RORA: variants seen among roughly 807,000 people sequenced by gnomAD.
RORA encodes RAR related orphan receptor A, also known as nuclear receptor ROR-alpha.
Under a neutral mutation model 69.5 loss-of-function variants are expected in RORA, and 7 were observed. The ratio of observed to expected loss-of-function variants is 0.10; its 90% CI spans 0.06 to 0.19. The LOEUF is 0.19. Ranked by LOEUF, RORA falls within the 10% of genes least tolerant of loss-of-function variation. RORA has a pLI of 1.00. For missense variants in RORA, 457 were observed against 663.0 expected (o/e 0.69, Z 3.41); for synonymous variants, 261 against 240.8 (o/e 1.08, Z -0.78).
At chr15:60,502,511 G>A (rs756328072) in intron 8 of RORA, among the ~76,000 whole-genome samples, 1 of 151,928 alleles carries the variant, frequency 6.6e-6, no homozygotes, top group African/African-American at 2.4e-5. Context: ...GGAAGGACAC[G>A]TCATATAAAT....
intron 2 of RORA, among the ~76,000 whole-genome samples, chr15:60,659,773 T>TA (rs904278929): frequency 2.6e-5 from 4 of 152,162 alleles, no homozygotes. Context: ...TTTGAGTTCA[T>TA]AAAAAAATTG....
intron 1 of RORA, among the ~76,000 whole-genome samples, chr15:60,961,133 C>T (rs1893403278): frequency 6.6e-6 from 1 of 152,176 alleles, no homozygotes; most frequent in Admixed American, 6.5e-5. Flanking sequence ...TCTGGCCTCT[C>T]ACCTGGCCGT....
intron 1 of RORA, among the ~76,000 whole-genome samples, chr15:61,073,142 C>T (rs75979820): frequency 0.012 from 1,852 of 152,296 alleles, 15 homozygotes; most frequent in Non-Finnish European, 0.019. Flanking sequence ...GTACAACTGG[C>T]CAAGGGCCGG....
At chr15:60,723,680 A>C (rs1430551617) in intron 1 of RORA, among the ~76,000 whole-genome samples, 3 of 152,204 alleles carry the variant, frequency 2.0e-5, no homozygotes, top group Admixed American at 1.3e-4. Context: ...AGGAGTACAC[A>C]CAACTCCATC....
intron 1 of RORA, among the ~76,000 whole-genome samples, chr15:60,692,385 A>G (rs1225743318): frequency 6.6e-6 from 1 of 152,192 alleles, no homozygotes; most frequent in African/African-American, 2.4e-5. Flanking sequence ...TTTGGACCAC[A>G]TGGCAGGTCT....
chr15:60,604,407 CTTGT>C (rs1567119063), intron 2 of RORA, among the ~76,000 whole-genome samples: 2 of 152,188 alleles, frequency 1.3e-5, no homozygotes, highest in Non-Finnish European at 2.9e-5. Flanking sequence ...ATGGACTGAC[CTTGT>C]TTATCTGCTT....
chr15:60,817,513 T>C (rs1420980614), intron 1 of RORA, among the ~76,000 whole-genome samples: 2 of 152,242 alleles, frequency 1.3e-5, no homozygotes, highest in Non-Finnish European at 2.9e-5. Context: ...CTATTAACTA[T>C]AGTCCCCAGG....
At chr15:61,036,578 T>C (rs1250123117) in intron 1 of RORA, among the ~76,000 whole-genome samples, 1 of 152,118 alleles carries the variant, frequency 6.6e-6, no homozygotes, top group African/African-American at 2.4e-5. Flanking sequence ...TTAATAAACA[T>C]CTTTGATGAG....
chr15:60,718,053 C>G (rs2071243250), intron 1 of RORA, among the ~76,000 whole-genome samples: 1 of 152,106 alleles, frequency 6.6e-6, no homozygotes, highest in African/African-American at 2.4e-5. Context: ...CCCACCTTGG[C>G]CTCGCACTGG....
intron 1 of RORA, among the ~76,000 whole-genome samples, chr15:60,903,279 T>C (rs1412415862): frequency 6.6e-6 from 1 of 152,246 alleles, no homozygotes; most frequent in Admixed American, 6.5e-5. Flanking sequence ...AACTGGGCTC[T>C]AGACTCTTCT....
Position 60,517,429 on chromosome 15 carries a change from A to G in RORA, c.283-2672T>C, listed in dbSNP as rs567159102. ...CAAGTCCCGCCTCTTCTGTAAAGCA[A>G]TCTCTCTCTTCTGAAAAATATCTAA... On this transcript the variant is annotated intron_variant, in intron 3 of 10. Coordinates refer to ENST00000335670, the MANE Select transcript of RORA (RefSeq NM_134261.3). Among the ~76,000 whole-genome samples, 10 of 149,368 alleles carry G rather than the reference A, an allele frequency of 6.7e-5. No homozygotes were observed. The East Asian group carries it at 7.7e-4, about 12-fold the overall frequency.
At chr15:61,130,496 G>A (rs1351272056) in intron 1 of RORA, among the ~76,000 whole-genome samples, 1 of 152,226 alleles carries the variant, frequency 6.6e-6, no homozygotes, top group African/African-American at 2.4e-5. Flanking sequence ...AGTGTGAGAT[G>A]TTTTGGCAGG....
intron 1 of RORA, among the ~76,000 whole-genome samples, chr15:60,967,265 T>C (rs557340091): frequency 2.4e-4 from 37 of 152,390 alleles, no homozygotes; most frequent in Middle Eastern, 3.4e-3. Flanking sequence ...AGATGTACCA[T>C]ATTTATATGC....
At chr15:61,215,606 CATAT>C (rs1309473974) in intron 1 of RORA, among the ~76,000 whole-genome samples, 6 of 152,264 alleles carry the variant, frequency 3.9e-5, no homozygotes, top group Admixed American at 6.5e-5. Context: ...ATGCCAAAGT[CATAT>C]ATCTTCTTGA....
intron 1 of RORA, among the ~76,000 whole-genome samples, chr15:61,081,030 A>G (rs995799960): frequency 7.2e-5 from 11 of 152,242 alleles, no homozygotes; most frequent in African/African-American, 2.7e-4. Flanking sequence ...AGAAAGCAAT[A>G]AAGTGAAGTC....
chr15:61,188,842 C>A (rs150165345), intron 1 of RORA, among the ~76,000 whole-genome samples: 2 of 152,184 alleles, frequency 1.3e-5, no homozygotes, highest in South Asian at 4.2e-4. Context: ...GCTCAACACA[C>A]TTTTAATGAA....
At chr15:61,102,729 C>A (rs375846105) in intron 1 of RORA, among the ~76,000 whole-genome samples, 6 of 152,216 alleles carry the variant, frequency 3.9e-5, no homozygotes, top group East Asian at 1.9e-4. Flanking sequence ...GCCTCCTACA[C>A]TGAAGCATGC....
intron 3 of RORA, chr15:60,530,009 C>T (rs1201773669): frequency 6.6e-6 from 1 of 152,256 alleles, no homozygotes; most frequent in African/African-American, 2.4e-5. Flanking sequence ...AGAAGACACC[C>T]AGGTGATACG....
intron 2 of RORA, among the ~76,000 whole-genome samples, chr15:60,661,335 G>C (rs186546620): frequency 6.6e-6 from 1 of 152,262 alleles, no homozygotes; most frequent in East Asian, 1.9e-4. Context: ...GGGATTCCTG[G>C]CCCAAGAGTG....
Sources: gnomAD v4.1 joint callset for allele counts (sites outside exome capture counted in the v4.1 genomes callset) on GRCh38, gnomAD v4.1.1 for gene constraint, MANE v1.5 for transcripts, NCBI Gene and HGNC (gene_info 2026-07-23, HGNC 2026-07-21) for gene names.